The following NFATC3 variants were observed in gnomAD, a reference collection of about 807,000 sequenced individuals.
NFATC3 encodes nuclear factor of activated T cells 3, also known as nuclear factor of activated T-cells, cytoplasmic 3.
In NFATC3, 46 loss-of-function variants were observed where a neutral mutation model predicts 98.6. The ratio of observed to expected loss-of-function variants is 0.47; its 90% CI spans 0.37 to 0.60. NFATC3 has a LOEUF of 0.60. Among genes scored for constraint, NFATC3 ranks in the 20% least tolerant of loss-of-function variants. NFATC3 has a pLI of 0.00. For missense variants in NFATC3, 1,256 were observed against 1,295.5 expected (o/e 0.97, Z 0.47); for synonymous variants, 512 against 472.2 (o/e 1.08, Z -1.09).
intron 3 of NFATC3, among the ~76,000 whole-genome samples, chr16:68,150,801 C>G (rs2038279327): frequency 6.6e-6 from 1 of 152,078 alleles, no homozygotes; most frequent in South Asian, 2.1e-4. Context: ...GGTGGCTTCC[C>G]CATGCTGTTC....
intron 9 of NFATC3, among the ~76,000 whole-genome samples, chr16:68,193,902 G>GT (rs1446016534): frequency 1.3e-5 from 2 of 151,366 alleles, no homozygotes; most frequent in Non-Finnish European, 2.9e-5. Flanking sequence ...GGATATGTCT[G>GT]TGGTGGGGTG....
chr16:68,107,877 G>A (rs912060970), intron 1 of NFATC3, among the ~76,000 whole-genome samples: 3 of 149,916 alleles, frequency 2.0e-5, no homozygotes, highest in African/African-American at 7.3e-5. Context: ...TTTGAGAAAT[G>A]TCTGTTCATG....
chr16:68,128,768 T>A (rs750544411), intron 3 of NFATC3, among the ~76,000 whole-genome samples: 1 of 151,884 alleles, frequency 6.6e-6, no homozygotes, highest in Non-Finnish European at 1.5e-5. Context: ...GTATGATGAT[T>A]GTGGCTGTAA....
rs189191094 is a variant in NFATC3 at position 68,187,086 on chromosome 16, G to C, written c.2099-3682G>C. 2.8e-3 allele frequency among the ~76,000 whole-genome samples: 432 copies of C among 152,346 alleles called. 3 individuals are homozygous for C. The highest frequency in any genetic ancestry group is 4.6e-3 in the Non-Finnish European group (314 of 68,020). ...GGAAGGGGTGTGTGAGTGAGTGAGC[G>C]TGGGGTCCAGCCACTGCTCACAGCC... On this transcript the variant is annotated intron_variant, in intron 8 of 9. Coordinates refer to ENST00000346183, the MANE Select transcript of NFATC3 (RefSeq NM_173165.3).
At chr16:68,194,349 A>G (rs1225287361) in intron 9 of NFATC3, among the ~76,000 whole-genome samples, 2 of 152,196 alleles carry the variant, frequency 1.3e-5, no homozygotes, top group South Asian at 4.1e-4. Flanking sequence ...CATGTTCACA[A>G]CTGCATCTGA....
chr16:68,211,678 C>T (rs1471228791), intron 9 of NFATC3, among the ~76,000 whole-genome samples: 3 of 149,574 alleles, frequency 2.0e-5, no homozygotes, highest in South Asian at 2.1e-4. Flanking sequence ...ATCTACCACA[C>T]GCCCAGCTAA....
At chr16:68,119,479 G>A (rs74024145) in intron 1 of NFATC3, among the ~76,000 whole-genome samples, 3 of 151,770 alleles carry the variant, frequency 2.0e-5, no homozygotes, top group East Asian at 1.9e-4. Context: ...CTGACCACCC[G>A]TAGCTCTCAT....
At chr16:68,214,734 C>T (rs574494641) in intron 9 of NFATC3, among the ~76,000 whole-genome samples, 1 of 152,332 alleles carries the variant, frequency 6.6e-6, no homozygotes, top group South Asian at 2.1e-4. Context: ...GTTTGGGTTG[C>T]TCAGTAAATT....
rs1262933034 is a variant in NFATC3 at position 68,157,978 on chromosome 16, A to G, written c.1511A>G (p.Lys504Arg). 6.2e-7 allele frequency: 1 copy of G among 1,613,916 alleles called. No homozygotes were observed. The highest frequency in any genetic ancestry group is 8.5e-7 in the Non-Finnish European group (1 of 1,179,944). The change falls in exon 4 of 10, where the codon AAG (lysine) becomes AGG (arginine). Residue 504 changes from lysine (K) to arginine (R), a missense_variant. Physicochemically the swap from Lys to Arg is conservative, Grantham distance 26. This residue lies in a region of NFATC3 where 156 missense variants were observed against 212.4 expected (regional missense o/e 0.73). Transcript: ENST00000346183. ...AFYQVHRITG[K>R]TVATASQEII... ...TACCAGGTGCATCGAATCACTGGGA[A>G]GACAGTCGCTACTGCAAGCCAAGAG...
At chr16:68,127,128 G>A (rs926042669) in intron 3 of NFATC3, among the ~76,000 whole-genome samples, 2 of 152,072 alleles carry the variant, frequency 1.3e-5, no homozygotes. Context: ...CAGGAGAATT[G>A]CTTGAACCCG....
At chr16:68,136,425 C>T (rs1437039030) in intron 3 of NFATC3, among the ~76,000 whole-genome samples, 1 of 152,124 alleles carries the variant, frequency 6.6e-6, no homozygotes, top group Non-Finnish European at 1.5e-5. Context: ...CAAACCACCA[C>T]ACCTGGCTAC....
chr16:68,099,352 G>A (rs2035215844), intron 1 of NFATC3, among the ~76,000 whole-genome samples: 1 of 151,878 alleles, frequency 6.6e-6, no homozygotes. Flanking sequence ...GGAGAATGGC[G>A]TGAACCCAGG....
intron 6 of NFATC3, among the ~76,000 whole-genome samples, chr16:68,174,881 T>G (rs2039615517): frequency 6.6e-6 from 1 of 152,232 alleles, no homozygotes; most frequent in Non-Finnish European, 1.5e-5. Flanking sequence ...TAATTTAAGA[T>G]GTCTGAAAAG....
intron 3 of NFATC3, among the ~76,000 whole-genome samples, chr16:68,148,051 T>G (rs1351731958): frequency 6.6e-6 from 1 of 152,172 alleles, no homozygotes; most frequent in Non-Finnish European, 1.5e-5. Flanking sequence ...GCTCTTGTTT[T>G]GCACTCCAGG....
At chr16:68,226,113 A>G in intron 9 of NFATC3, 1 of 410,240 alleles carries the variant, frequency 2.4e-6, no homozygotes, top group African/African-American at 2.1e-5. Context: ...GAGTGAGGGT[A>G]AGCCCCCTTC....
chr16:68,214,228 T>G, intron 9 of NFATC3: 1 of 779,736 alleles, frequency 1.3e-6, no homozygotes, highest in Non-Finnish European at 2.2e-6. Context: ...ACAGTTAAAT[T>G]CCTTTTGATT....
intron 6 of NFATC3, among the ~76,000 whole-genome samples, chr16:68,178,290 A>AT (rs1166982023): frequency 2.0e-5 from 3 of 152,158 alleles, no homozygotes; most frequent in Non-Finnish European, 4.4e-5. Context: ...TCTTAACTTG[A>AT]TTAATAATAT....
chr16:68,085,535 C>T lies in NFATC3; in HGVS notation c.-147C>T. On this transcript the variant is annotated 5_prime_UTR_variant, in exon 1 of 10. Coordinates refer to ENST00000346183, the MANE Select transcript of NFATC3 (RefSeq NM_173165.3). ...TTTCGGAACGGAACGCTCGGCGTCG[C>T]GGGCCCCGCCCGGAAAGTTTGCCGT... 1.5e-6 allele frequency: 1 copy of T among 648,050 alleles called. No homozygotes were observed. Among genetic ancestry groups the T allele is most frequent in the Non-Finnish European group, 2.4e-6 (1 of 416,870 alleles). 40.1% of individuals were successfully genotyped at this position (648,050 alleles called of 1,614,324 possible).
Position 68,123,103 on chromosome 16 carries a change from G to T in NFATC3, c.1220G>T (p.Gly407Val). The T allele has an allele frequency of 6.2e-7, 1 of 1,601,428 alleles. No individual in the cohort carries two copies. Among genetic ancestry groups the T allele is most frequent in the Non-Finnish European group, 8.5e-7 (1 of 1,179,184 alleles). ...TTTACCTGGAGCAAACCAAAGCCTG[G>T]CCACACCCCTATATTTCGGTGAGTT... ...SPFTWSKPKP[G>V]HTPIFRTSSL... The change falls in exon 2 of 10, where the codon GGC (glycine) becomes GTC (valine). Residue 407 changes from glycine to valine, a missense_variant. By Grantham distance (109) the Gly-to-Val change is moderately radical. Around this residue, in one of 3 missense-constraint regions of NFATC3, gnomAD observed 156 missense variants for 212.4 expected, o/e 0.73. Coordinates refer to ENST00000346183, the MANE Select transcript of NFATC3 (RefSeq NM_173165.3).
Sources: gnomAD v4.1 joint callset for allele counts (sites outside exome capture counted in the v4.1 genomes callset) on GRCh38, gnomAD v4.1.1 for gene constraint, gnomAD v4.1.1 regional missense constraint, MANE v1.5 for transcripts, NCBI Gene and HGNC (gene_info 2026-07-23, HGNC 2026-07-21) for gene names.